TTC39B: variants seen among roughly 807,000 people sequenced by gnomAD.
The protein encoded by TTC39B is tetratricopeptide repeat protein 39B.
Under a neutral mutation model 96.6 loss-of-function variants are expected in TTC39B, and 92 were observed. The ratio of observed to expected loss-of-function variants is 0.95; its 90% CI spans 0.80 to 1.13. The LOEUF is 1.13. Ranked by LOEUF, TTC39B falls within the 50% of genes most tolerant of loss-of-function variation. TTC39B has a pLI of 0.00. For synonymous variants in TTC39B, 367 were observed against 299.4 expected (o/e 1.23, Z -2.33); for missense variants, 955 against 809.3 (o/e 1.18, Z -2.18).
intron 7 of TTC39B, 54 bp downstream of exon 7, chr9:15,203,769 G>C: frequency 6.9e-7 from 1 of 1,451,660 alleles, no homozygotes; most frequent in Non-Finnish European, 9.5e-7. Context: ...ATTTTTCTAT[G>C]CAGCACTGGC....
At chr9:15,228,140 G>C (rs1821227107) in intron 2 of TTC39B, among the ~76,000 whole-genome samples, 1 of 151,910 alleles carries the variant, frequency 6.6e-6, no homozygotes, top group African/African-American at 2.4e-5. Flanking sequence ...AATTTGGTGT[G>C]CCAGGTAAAT....
chr9:15,288,161 T>C (rs116941417), intron 1 of TTC39B, among the ~76,000 whole-genome samples: 6,385 of 152,126 alleles, frequency 0.042, 176 homozygotes, highest in Middle Eastern at 0.068. Context: ...CTATCAAAGT[T>C]GTGAGAAATA....
exon 20 of TTC39B, chr9:15,168,694 C>T (rs1054242908): frequency 6.6e-6 from 1 of 152,320 alleles, no homozygotes; most frequent in Non-Finnish European, 1.5e-5. Flanking sequence ...CGCCTGTAGT[C>T]CCAGCTACTC....
At chr9:15,237,183 T>C (rs1351151197) in intron 2 of TTC39B, among the ~76,000 whole-genome samples, 1 of 152,054 alleles carries the variant, frequency 6.6e-6, no homozygotes, top group African/African-American at 2.4e-5. Flanking sequence ...GGCATAGTGG[T>C]GCATGCCTGT....
rs572903452 is a variant in TTC39B, at chr9:15,237,370, T to C, written c.276-11358A>G. 4.4e-3 allele frequency among the ~76,000 whole-genome samples: 675 copies of C among 152,010 alleles called. 4 individuals carry two copies. Among genetic ancestry groups the C allele is most frequent in the Non-Finnish European group, 7.2e-3 (489 of 67,950 alleles). On this transcript the variant is annotated intron_variant, in intron 2 of 19. Coordinates refer to ENST00000512701, the Ensembl canonical transcript of TTC39B. Reference sequence around the variant, plus strand: ...TCGGTTCTTCAAAAGGATAAACCAATTGGCAGACCATTAGCTAGACTAACC... The same window carrying C: ...TCGGTTCTTCAAAAGGATAAACCAACTGGCAGACCATTAGCTAGACTAACC...
At chr9:15,200,015 AAAAC>A (rs1409085486) in intron 7 of TTC39B, 90 bp from the exon 8 acceptor site, 21 of 640,264 alleles carry the variant, frequency 3.3e-5, no homozygotes, top group Middle Eastern at 2.8e-4. Context: ...TAGAAAAACA[AAAAC>A]AAACAAACAA....
Position 15,286,987 on chromosome 9 carries a change from T to A in TTC39B, c.241-19039A>T, listed in dbSNP as rs145199530. ...GAACTAGCTTATTATGAGAATTCTG[T>A]TTTGTCAAGGAATCTTAGAAGGCTA... is the stretch of plus-strand genomic sequence containing the variant. On this transcript the variant is annotated intron_variant, in intron 1 of 19. Transcript: ENST00000512701. Among the ~76,000 whole-genome samples the A allele has an allele frequency of 1.2e-3, 180 of 152,138 alleles. 1 individual carries two copies. The highest frequency in any genetic ancestry group is 4.0e-3 in the African/African-American group (165 of 41,540).
chr9:15,233,380 T>C (rs1424758015), intron 2 of TTC39B, among the ~76,000 whole-genome samples: 2 of 152,076 alleles, frequency 1.3e-5, no homozygotes, highest in Non-Finnish European at 2.9e-5. Flanking sequence ...TCTCCCTCTC[T>C]TTCCACGGTC....
intron 15 of TTC39B, among the ~76,000 whole-genome samples, chr9:15,186,380 C>T (rs922870847): frequency 1.3e-5 from 2 of 152,122 alleles, no homozygotes; most frequent in Non-Finnish European, 2.9e-5. Context: ...GTAACAGCAT[C>T]TTTATGAAGA....
intron 2 of TTC39B, among the ~76,000 whole-genome samples, chr9:15,250,510 T>C (rs183578762): frequency 6.6e-6 from 1 of 152,028 alleles, no homozygotes; most frequent in Non-Finnish European, 1.5e-5. Context: ...TTTAAAAAAA[T>C]ACTAAATAAG....
chr9:15,231,640 T>C (rs919936991), intron 2 of TTC39B, among the ~76,000 whole-genome samples: 1 of 152,238 alleles, frequency 6.6e-6, no homozygotes, highest in Admixed American at 6.5e-5. Flanking sequence ...TCTTTGTTTA[T>C]ACTTTTTCTC....
In TTC39B at chr9:15,254,317, T is replaced by C. The variant is rs144575472; in HGVS notation, c.275+13597A>G. On this transcript the variant is annotated intron_variant, in intron 2 of 19. Transcript: ENST00000512701. ...TTAATGTGTTCTTTTTTTAAATCTT[T>C]AAAAAGTGTTTTTATAGTTTAAGGT... Among the ~76,000 whole-genome samples the C allele has an allele frequency of 4.3e-3, 650 of 152,288 alleles. 3 individuals are homozygous for C. The highest frequency in any genetic ancestry group is 0.015 in the African/African-American group (622 of 41,540).
rs1464058969 is a variant in TTC39B, at chr9:15,306,504, C to T, written c.240+580G>A. Among the ~76,000 whole-genome samples, 5 of 152,200 alleles carry T rather than the reference C, an allele frequency of 3.3e-5. No homozygotes were observed. The highest frequency in any genetic ancestry group is 7.4e-5 in the Non-Finnish European group (5 of 68,026). On this transcript the variant is annotated intron_variant, in intron 1 of 19. Coordinates refer to ENST00000512701, the Ensembl canonical transcript of TTC39B. This position sits in a 1 kb window ranked among gnomAD's most constrained non-coding sequence, Gnocchi z 5.1. Reference sequence around the variant, plus strand: ...GGAGAGGGAAGCACCACAGCCTGGGCTGCGGCTCTAGCCCTCCAGCCCCAG... The same window carrying T: ...GGAGAGGGAAGCACCACAGCCTGGGTTGCGGCTCTAGCCCTCCAGCCCCAG...
intron 2 of TTC39B, among the ~76,000 whole-genome samples, chr9:15,255,382 A>G (rs1281208911): frequency 6.6e-6 from 1 of 152,094 alleles, no homozygotes; most frequent in Non-Finnish European, 1.5e-5. Context: ...ATGTTCCACA[A>G]GCAGAGACAA....
chr9:15,217,547 G>A (rs1820591961), intron 3 of TTC39B, among the ~76,000 whole-genome samples: 1 of 152,178 alleles, frequency 6.6e-6, no homozygotes, highest in South Asian at 2.1e-4. Flanking sequence ...TGTAAGGAAT[G>A]ACCAGGAGAG....
chr9:15,286,204 A>G (rs2131593362), intron 1 of TTC39B, among the ~76,000 whole-genome samples: 1 of 152,242 alleles, frequency 6.6e-6, no homozygotes, highest in South Asian at 2.1e-4. Flanking sequence ...CCTTCACAGC[A>G]TTTTCTCCCC....
At chr9:15,234,268 C>A (rs1266838690) in intron 2 of TTC39B, among the ~76,000 whole-genome samples, 1 of 146,760 alleles carries the variant, frequency 6.8e-6, no homozygotes, top group Admixed American at 6.8e-5. Context: ...AGGTGGGGGT[C>A]AGCCCCCGCC....
intron 2 of TTC39B, among the ~76,000 whole-genome samples, chr9:15,226,777 C>T (rs1452412336): frequency 6.6e-6 from 1 of 152,080 alleles, no homozygotes; most frequent in Non-Finnish European, 1.5e-5. Flanking sequence ...CTGACAGGCA[C>T]ACAATGGGGG....
chr9:15,301,065 G>A (rs574174820), intron 1 of TTC39B, among the ~76,000 whole-genome samples: 191 of 151,942 alleles, frequency 1.3e-3, no homozygotes, highest in Middle Eastern at 3.4e-3. Context: ...TCTTATTCCC[G>A]CCCATCTCAA....
Sources: gnomAD v4.1 joint callset for allele counts (sites outside exome capture counted in the v4.1 genomes callset) on GRCh38, gnomAD v4.1.1 for gene constraint, Gnocchi (gnomAD v3.1) non-coding constraint, MANE v1.5 for transcripts, NCBI Gene and HGNC (gene_info 2026-07-23, HGNC 2026-07-21) for gene names.